The following EMC3 variants were observed in gnomAD, a reference collection of about 807,000 sequenced individuals.
EMC3 encodes 30 kDa protein.
In EMC3, 13 loss-of-function variants were observed where a neutral mutation model predicts 36.6. That is an observed-to-expected ratio of 0.35 (90% confidence interval 0.23 to 0.56). EMC3 has a LOEUF of 0.56. Among genes scored for constraint, EMC3 ranks in the 20% least tolerant of loss-of-function variants. EMC3 has a pLI of 0.84. For synonymous variants in EMC3, 120 were observed against 111.9 expected (o/e 1.07, Z -0.46); for missense variants, 220 against 324.5 (o/e 0.68, Z 2.47).
intron 1 of EMC3, among the ~76,000 whole-genome samples, chr3:9,998,906 A>C (rs1416217208): frequency 6.6e-6 from 1 of 151,992 alleles, no homozygotes; most frequent in Admixed American, 6.6e-5. Flanking sequence ...ACAGGTGCGC[A>C]CCATGGTGCC....
intron 1 of EMC3, among the ~76,000 whole-genome samples, chr3:9,984,159 G>A (rs1373058979): frequency 6.6e-6 from 1 of 150,860 alleles, no homozygotes; most frequent in African/African-American, 2.4e-5. Flanking sequence ...TCGGCTCACC[G>A]CAACCTCTGC....
At chr3:9,987,312 T>G (rs1444783180), upstream of EMC3, 82 of 985,222 alleles carry the variant, frequency 8.3e-5, no homozygotes, top group Non-Finnish European at 9.8e-5. Flanking sequence ...CCCGCTCCCC[T>G]GCGACCTAAT....
At chr3:10,008,715 A>G (rs1190515067) in intron 1 of EMC3, 1 of 343,438 alleles carries the variant, frequency 2.9e-6, no homozygotes, top group African/African-American at 2.2e-5. Context: ...CCGCACCCAC[A>G]TAGCCACTTC....
intron 1 of EMC3, among the ~76,000 whole-genome samples, chr3:10,001,450 C>T (rs1217384545): frequency 3.4e-5 from 5 of 148,390 alleles, no homozygotes; most frequent in South Asian, 4.3e-4. Flanking sequence ...TGGTGGTGGG[C>T]GCCTGTAGTC....
intron 3 of EMC3, among the ~76,000 whole-genome samples, chr3:9,976,365 T>G (rs2085850410): frequency 6.6e-6 from 1 of 152,258 alleles, no homozygotes; most frequent in South Asian, 2.1e-4. Flanking sequence ...TGACTCAGCC[T>G]CCCAAAATGC....
chr3:9,968,471 T>G (rs1286990989), intron 7 of EMC3, among the ~76,000 whole-genome samples: 1 of 152,184 alleles, frequency 6.6e-6, no homozygotes, highest in African/African-American at 2.4e-5. Context: ...TTTTATTTCT[T>G]TTTCTTGCCT....
chr3:9,976,262 C>T (rs1399288366), intron 3 of EMC3, among the ~76,000 whole-genome samples: 6 of 152,052 alleles, frequency 3.9e-5, no homozygotes, highest in South Asian at 2.1e-4. Context: ...CCCACCACCA[C>T]GCTAGGCTAA....
At chr3:9,989,961 C>CT (rs75432385), upstream of EMC3, among the ~76,000 whole-genome samples, 6,451 of 133,640 alleles carry the variant, frequency 0.048, 500 homozygotes, top group African/African-American at 0.16. Flanking sequence ...GCCTTTTTAA[C>CT]TTTTTTTTTT....
intron 1 of EMC3, among the ~76,000 whole-genome samples, chr3:9,994,964 T>C (rs1358556885): frequency 8.7e-6 from 1 of 114,684 alleles, no homozygotes; most frequent in Non-Finnish European, 1.7e-5. Flanking sequence ...TCTTATTTTG[T>C]ATTTGTACAT....
At chr3:9,969,923 C>A in intron 6 of EMC3, 122 bp from the exon 7 acceptor site, 1 of 1,449,424 alleles carries the variant, frequency 6.9e-7, no homozygotes, top group South Asian at 1.4e-5. Context: ...CTGGCCCTGT[C>A]ACCCACTGGC....
chr3:9,966,564 T>G (rs2085738406), intron 7 of EMC3, among the ~76,000 whole-genome samples: 1 of 151,490 alleles, frequency 6.6e-6, no homozygotes, highest in African/African-American at 2.4e-5. Context: ...GACAGAGTGA[T>G]CTCACTCTGT....
intron 7 of EMC3, among the ~76,000 whole-genome samples, chr3:9,965,354 G>A (rs946247074): frequency 7.9e-5 from 12 of 151,964 alleles, no homozygotes; most frequent in African/African-American, 1.5e-4. Context: ...CCAGGAGTTC[G>A]AGGCTGCAGT....
chr3:10,000,060 T>C (rs1169264537), intron 1 of EMC3, among the ~76,000 whole-genome samples: 2 of 152,080 alleles, frequency 1.3e-5, no homozygotes, highest in East Asian at 1.9e-4. Context: ...TTTTTTGAGA[T>C]GGAGTCTTGC....
chr3:9,974,056 C>T (rs3732966), intron 4 of EMC3, among the ~76,000 whole-genome samples: 34,298 of 152,120 alleles, frequency 0.23, 4,490 homozygotes, highest in African/African-American at 0.36. Flanking sequence ...AATCAACTTA[C>T]AAACAAACAG....
intron 1 of EMC3, among the ~76,000 whole-genome samples, chr3:9,977,876 G>T (rs1253242788): frequency 6.6e-6 from 1 of 152,094 alleles, no homozygotes; most frequent in Non-Finnish European, 1.5e-5. Flanking sequence ...CAGGCCTTGA[G>T]AGGGTTGCTA....
chr3:9,999,536 G>T (rs1345464319), intron 1 of EMC3, among the ~76,000 whole-genome samples: 1 of 152,040 alleles, frequency 6.6e-6, no homozygotes, highest in Middle Eastern at 3.2e-3. Flanking sequence ...ACCACATCTG[G>T]CCTTATTTTT....
intron 1 of EMC3, among the ~76,000 whole-genome samples, chr3:9,983,326 T>G (rs901088130): frequency 1.3e-5 from 2 of 152,096 alleles, no homozygotes; most frequent in African/African-American, 2.4e-5. Context: ...TTTTGTATTT[T>G]TAGCAGAGAT....
At chr3:10,001,792 CTG>C (rs962446647) in intron 1 of EMC3, among the ~76,000 whole-genome samples, 3 of 151,746 alleles carry the variant, frequency 2.0e-5, no homozygotes, top group African/African-American at 4.8e-5. Context: ...GTTCAGGAGA[CTG>C]AGACCATCCT....
In EMC3 at chr3:9,974,446, T is replaced by A; in HGVS notation, c.350A>T (p.Asn117Ile). The change falls in exon 4 of 8, where the codon AAT (asparagine) becomes ATT (isoleucine). Residue 117 changes from asparagine to isoleucine, a missense_variant. By Grantham distance (149) the Asn-to-Ile change is moderately radical (BLOSUM62 -3). Transcript: ENST00000245046. ...LTDMMKGNVT[N>I]VLPMILIGGW... ...ACCAATAAGAATCATAGGGAGGACATTTGTTACATTCCCTTTCATCATGTC... is the reference window on the plus strand; with the variant it reads ...ACCAATAAGAATCATAGGGAGGACAATTGTTACATTCCCTTTCATCATGTC... 2 of 1,613,866 alleles carry A rather than the reference T, an allele frequency of 1.2e-6. No individual in the cohort carries two copies. The highest frequency in any genetic ancestry group is 1.7e-6 in the Non-Finnish European group (2 of 1,179,722).
Sources: allele counts gnomAD v4.1 joint callset (sites outside exome capture counted in the v4.1 genomes callset), GRCh38; gene constraint gnomAD v4.1.1; transcripts MANE v1.5; gene names NCBI Gene and HGNC (gene_info 2026-07-23, HGNC 2026-07-21).